The following PHLPP2 variants were observed in gnomAD, a reference collection of about 807,000 sequenced individuals.
PHLPP2 encodes PH domain and leucine rich repeat protein phosphatase 2.
Under a neutral mutation model 124.9 loss-of-function variants are expected in PHLPP2, and 66 were observed. The observed-to-expected ratio is 0.53, with a 90% CI of 0.43 to 0.65. PHLPP2 has a LOEUF of 0.65. Ranked by LOEUF, PHLPP2 falls within the 30% of genes least tolerant of loss-of-function variation. PHLPP2 has a pLI of 0.00. For synonymous variants in PHLPP2, 681 were observed against 624.7 expected (o/e 1.09, Z -1.34); for missense variants, 1,685 against 1,600.4 (o/e 1.05, Z -0.90).
rs2044977114 is a variant in PHLPP2, at chr16:71,679,475, C to G, written c.951G>C (p.Leu317Phe). 9.3e-6 allele frequency: 15 copies of G among 1,613,760 alleles called. No homozygotes were observed. Among genetic ancestry groups the G allele is most frequent in the Non-Finnish European group, 1.3e-5 (15 of 1,179,734 alleles). ...CAGTCAGGGTAGAGATCTCGCATAA[C>G]AATATAGGAAACAACCCAAGTTTAT... The part of the protein sequence containing the change: ...SHNKLGLFPI[L>F]LCEISTLTEL... The change falls in exon 7 of 19, where the codon TTG (leucine) becomes TTC (phenylalanine). Residue 317 changes from leucine (L) to phenylalanine (F), a missense_variant. Leu to Phe is a conservative substitution (Grantham distance 22). Coordinates refer to ENST00000568954, the MANE Select transcript of PHLPP2 (RefSeq NM_015020.3).
intron 2 of PHLPP2, among the ~76,000 whole-genome samples, chr16:71,714,137 G>A (rs749122856): frequency 4.6e-5 from 7 of 151,782 alleles, no homozygotes; most frequent in Non-Finnish European, 7.4e-5. Flanking sequence ...GCAGGGTTTC[G>A]CCATGTTGAC....
intron 2 of PHLPP2, among the ~76,000 whole-genome samples, chr16:71,711,618 C>T (rs1197275643): frequency 6.6e-6 from 1 of 152,192 alleles, no homozygotes. Context: ...GGGACAGCGT[C>T]TACCTCACAA....
intron 18 of PHLPP2, among the ~76,000 whole-genome samples, chr16:71,650,410 C>A (rs992459114): frequency 3.9e-5 from 6 of 152,146 alleles, no homozygotes; most frequent in Non-Finnish European, 8.8e-5. Context: ...GAGGATGAAA[C>A]AGAAAGGTCA....
chr16:71,699,967 A>C lies in PHLPP2; in HGVS notation c.418+2631T>G, dbSNP rs1452294585. 3.3e-5 allele frequency among the ~76,000 whole-genome samples: 5 copies of C among 152,348 alleles called. No homozygotes were observed. The East Asian group carries it at 9.6e-4, about 29-fold the overall frequency. ...ACACGGTTTGTTCCCACCAGCGTCC[A>C]ATCAGCTAGCCAGTTCACGCACTCA... On this transcript the variant is annotated intron_variant, in intron 3 of 18. Transcript: ENST00000568954.
intron 4 of PHLPP2, 52 bp from the exon 5 acceptor site, chr16:71,684,653 T>G (rs1380417084): frequency 6.6e-7 from 1 of 1,522,194 alleles, no homozygotes; most frequent in Non-Finnish European, 8.9e-7. Flanking sequence ...AAAATCCTAG[T>G]CAAAAAGCAA....
At chr16:71,690,191 A>C (rs1246973440) in intron 4 of PHLPP2, among the ~76,000 whole-genome samples, 1 of 152,144 alleles carries the variant, frequency 6.6e-6, no homozygotes, top group African/African-American at 2.4e-5. Flanking sequence ...AAACCCCGAA[A>C]GAATCTATTT....
At chr16:71,700,903 C>T (rs893994784) in intron 3 of PHLPP2, among the ~76,000 whole-genome samples, 1 of 152,092 alleles carries the variant, frequency 6.6e-6, no homozygotes, top group African/African-American at 2.4e-5. Context: ...GACACTGAGG[C>T]CTCTGTGCAC....
chr16:71,683,989 T>C (rs2045028446), intron 5 of PHLPP2, among the ~76,000 whole-genome samples: 1 of 151,950 alleles, frequency 6.6e-6, no homozygotes. Context: ...ACGGGGTTTC[T>C]CCATGTTGGT....
intron 2 of PHLPP2, among the ~76,000 whole-genome samples, chr16:71,710,145 G>A (rs2045314196): frequency 6.6e-6 from 1 of 152,054 alleles, no homozygotes. Flanking sequence ...CACTGCACTT[G>A]GCACACACAC....
intron 3 of PHLPP2, among the ~76,000 whole-genome samples, chr16:71,693,592 T>C (rs1197242130): frequency 6.6e-6 from 1 of 152,192 alleles, no homozygotes; most frequent in African/African-American, 2.4e-5. Flanking sequence ...CTGGGCTCAC[T>C]TGGATCCCAT....
chr16:71,675,599 C>CAAG (rs2044938905), intron 9 of PHLPP2, among the ~76,000 whole-genome samples: 1 of 152,210 alleles, frequency 6.6e-6, no homozygotes, highest in Non-Finnish European at 1.5e-5. Context: ...CACTGTAGCA[C>CAAG]AAGAGCAAGA....
At position 71,650,035 on chromosome 16, in the gene PHLPP2, C is replaced by T; in HGVS notation, c.2827G>A (p.Val943Met). 6.2e-7 allele frequency: 1 copy of T among 1,604,322 alleles called. No homozygotes were observed. The highest frequency in any genetic ancestry group is 1.1e-5 in the South Asian group (1 of 91,020). ...CGGGTACAGCAGGTTACCCCATTCA[C>T]TTTGTTGTCCTACAGAAGAGCAGGA... is the stretch of plus-strand genomic sequence containing the variant. The part of the protein sequence containing the change: ...QKAIITEDNK[V>M]NGVTCCTRML... Residue 943 changes from valine (V) to methionine (M), a missense_variant, in exon 19 of 19, where the codon GTG becomes ATG. Val to Met is a conservative substitution (Grantham distance 21). Coordinates refer to ENST00000568954, the MANE Select transcript of PHLPP2 (RefSeq NM_015020.3).
In PHLPP2 at chr16:71,681,794, A is replaced by C. The variant is rs1472145456; in HGVS notation, c.847T>G (p.Phe283Val). The C allele has an allele frequency of 1.2e-6, 2 of 1,614,016 alleles. No individual in the cohort carries two copies. The highest frequency in any genetic ancestry group is 2.2e-5 in the East Asian group (1 of 44,880). Residue 283 changes from phenylalanine to valine, a missense_variant, in exon 6 of 19, where the codon TTC becomes GTC. Physicochemically the swap from Phe to Val is conservative, Grantham distance 50 (BLOSUM62 -1). Coordinates refer to ENST00000568954, the MANE Select transcript of PHLPP2 (RefSeq NM_015020.3). ...CCTCCGGGTCTTTCTAACTGCATGA[A>C]GTTGTGTCGCAAGTTGAGGTAGGTA... ...DITYLNLRHN[F>V]MQLERPGGLD...
chr16:71,677,356 G>C (rs1341916300), intron 8 of PHLPP2: 3 of 151,668 alleles, frequency 2.0e-5, no homozygotes, highest in African/African-American at 7.3e-5. Context: ...CAGAGTATAA[G>C]GATGGAGCCA....
intron 1 of PHLPP2, among the ~76,000 whole-genome samples, chr16:71,721,883 T>C (rs1157734531): frequency 2.0e-5 from 3 of 152,258 alleles, no homozygotes; most frequent in East Asian, 1.9e-4. Flanking sequence ...TATCCCAGGA[T>C]AGATGGAACT....
rs1444775165 is a variant in PHLPP2 at position 71,655,250 on chromosome 16, C to T, written c.2575G>A (p.Val859Ile). 1 of 1,610,114 alleles carries T rather than the reference C, an allele frequency of 6.2e-7. No individual in the cohort carries two copies. Among genetic ancestry groups the T allele is most frequent in the Non-Finnish European group, 8.5e-7 (1 of 1,176,494 alleles). The change falls in exon 17 of 19, where the codon GTA becomes ATA. Residue 859 changes from valine to isoleucine, a missense_variant. By Grantham distance (29) the Val-to-Ile change is conservative. Transcript: ENST00000568954. Reference sequence around the variant, plus strand: ...AACCCACCTGCTTACCTGTGAGATACCAAGAAGGTGTTAGCCATGAAAACT... The same window carrying T: ...AACCCACCTGCTTACCTGTGAGATATCAAGAAGGTGTTAGCCATGAAAACT... ...DTVFMANTFLVSHRKLGMAGQ... is the reference protein window; with the variant it reads ...DTVFMANTFLISHRKLGMAGQ...
At chr16:71,684,123 CTCT>C (rs2045030080) in intron 5 of PHLPP2, among the ~76,000 whole-genome samples, 1 of 127,268 alleles carries the variant, frequency 7.9e-6, no homozygotes, top group Admixed American at 8.7e-5. Flanking sequence ...TCTTGAGGTA[CTCT>C]TTTTTTTTTT....
chr16:71,681,682 T>C (rs985535637), intron 6 of PHLPP2, 69 bp downstream of exon 6: 6 of 1,206,708 alleles, frequency 5.0e-6, no homozygotes, highest in East Asian at 2.7e-5. Flanking sequence ...TGGTAGCAGG[T>C]AGAAGCCATA....
intron 4 of PHLPP2, among the ~76,000 whole-genome samples, chr16:71,686,577 C>T (rs1021835785): frequency 2.0e-5 from 3 of 152,046 alleles, no homozygotes. Context: ...TCCCTCTGTG[C>T]TCCTTTACAG....
Sources: gnomAD v4.1 joint callset for allele counts (sites outside exome capture counted in the v4.1 genomes callset) on GRCh38, gnomAD v4.1.1 for gene constraint, MANE v1.5 for transcripts, NCBI Gene and HGNC (gene_info 2026-07-23, HGNC 2026-07-21) for gene names.